Variants in DGKH observed in about 807,000 individuals in gnomAD.
DGKH encodes DAG kinase eta.
In DGKH, 90 loss-of-function variants were observed where a neutral mutation model predicts 159.3. The observed-to-expected ratio is 0.57, with a 90% confidence interval of 0.48 to 0.67. The LOEUF (loss-of-function observed/expected upper bound fraction) is 0.67. Among genes scored for constraint, DGKH ranks in the 30% least tolerant of loss-of-function variants. The pLI is 0.00. For missense variants in DGKH, 1,181 were observed against 1,506.1 expected (o/e 0.78, Z 3.57); for synonymous variants, 536 against 553.8 (o/e 0.97, Z 0.45).
chr13:42,119,445 A>G (rs1357050198), intron 1 of DGKH, among the ~76,000 whole-genome samples: 1 of 152,192 alleles, frequency 6.6e-6, no homozygotes, highest in African/African-American at 2.4e-5. Context: ...ACTCTGGTCC[A>G]AAAAGCAGTC....
At position 42,071,086 on chromosome 13, in the gene DGKH, T is replaced by C. The variant is rs1411040440; in HGVS notation, c.192+22121T>C. ...AATGTTCATGAGACTTTCAAATTTC[T>C]CTGCCACTTTGAAACCCTTATGATT... On this transcript the variant is annotated intron_variant, in intron 1 of 29. Transcript: ENST00000337343. 7 of 1,102,956 alleles carry C rather than the reference T, an allele frequency of 6.3e-6. No individual in the cohort carries two copies. In the East Asian group the frequency reaches 1.2e-4, roughly 19 times the overall value. 68.3% of individuals were successfully genotyped at this position (1,102,956 alleles called of 1,614,324 possible). A position where few individuals can be genotyped will look rare whatever the true frequency, so the allele number is the denominator to read the frequency against.
chr13:42,173,983 G>GCA (rs1555270276), intron 11 of DGKH, 77 bp from the exon 12 acceptor site: 16,972 of 833,996 alleles, frequency 0.02, 207 homozygotes, highest in Non-Finnish European at 0.026. Context: ...GTGTGTGTGT[G>GCA]CGCGTTTATG....
chr13:42,207,715 A>ATATATC (rs1429229353), intron 21 of DGKH, among the ~76,000 whole-genome samples: 1 of 147,730 alleles, frequency 6.8e-6, no homozygotes, highest in Non-Finnish European at 1.5e-5. Flanking sequence ...ATATATATAT[A>ATATATC]TCAGTAAAAA....
At chr13:42,168,921 G>T (rs1461775171) in intron 11 of DGKH, 103 bp downstream of exon 11, 4 of 1,268,496 alleles carry the variant, frequency 3.2e-6, no homozygotes, top group Non-Finnish European at 4.2e-6. Context: ...TTACTGACTA[G>T]AAGCTCCACG....
Position 42,224,580 on chromosome 13 carries a change from A to C in DGKH, c.3573+3186A>C, listed in dbSNP as rs1300883200. 2.0e-5 allele frequency among the ~76,000 whole-genome samples: 3 copies of C among 152,088 alleles called. No individual in the cohort carries two copies. In the East Asian group the frequency reaches 5.8e-4, roughly 29 times the overall value. ...TCAGGTGTACACTTTTCTGCTTAAA[A>C]CTTTTCAGTAGCTTCCCATTTCTAG... On this transcript the variant is annotated intron_variant, in intron 29 of 29. Coordinates refer to ENST00000337343, the MANE Select transcript of DGKH (RefSeq NM_178009.5).
At chr13:42,050,503 T>C (rs527569795) in intron 1 of DGKH, among the ~76,000 whole-genome samples, 1 of 152,252 alleles carries the variant, frequency 6.6e-6, no homozygotes, top group Non-Finnish European at 1.5e-5. Context: ...AGAGTACATC[T>C]TGTAACTCCT....
At chr13:42,087,745 C>T (rs1257416162) in intron 1 of DGKH, among the ~76,000 whole-genome samples, 1 of 102,770 alleles carries the variant, frequency 9.7e-6, no homozygotes, top group Non-Finnish European at 2.0e-5. Flanking sequence ...ATGCACTGCT[C>T]ATTTTTTTTT....
At chr13:42,164,058 T>C (rs1328188407) in intron 7 of DGKH, among the ~76,000 whole-genome samples, 1 of 152,150 alleles carries the variant, frequency 6.6e-6, no homozygotes, top group Non-Finnish European at 1.5e-5. Context: ...AAGGAAGGGA[T>C]CCAGTTTCAG....
At chr13:42,194,430 GC>G (rs1957155211) in intron 16 of DGKH, among the ~76,000 whole-genome samples, 1 of 152,160 alleles carries the variant, frequency 6.6e-6, no homozygotes. Context: ...ACCACACCTG[GC>G]CTCTTCCATT....
chr13:42,206,622 G>A (rs996921212), intron 21 of DGKH, among the ~76,000 whole-genome samples: 5 of 99,782 alleles, frequency 5.0e-5, no homozygotes, highest in Non-Finnish European at 1.0e-4. Context: ...GTTGCCTTCC[G>A]GAGGCTCTAA....
At chr13:42,046,992 TTTGA>T (rs1176398535), upstream of DGKH, among the ~76,000 whole-genome samples, 1 of 152,228 alleles carries the variant, frequency 6.6e-6, no homozygotes, top group African/African-American at 2.4e-5. Context: ...AGGCCATTAT[TTTGA>T]TTATTTTTCT....
chr13:42,133,165 T>C (rs9533006), intron 3 of DGKH, among the ~76,000 whole-genome samples: 52,636 of 143,880 alleles, frequency 0.37, 9,785 homozygotes, highest in Non-Finnish European at 0.43. Flanking sequence ...AGCAAGACTT[T>C]GTCTCAAAAA....
chr13:42,113,279 A>G (rs1033779022), intron 1 of DGKH, among the ~76,000 whole-genome samples: 8 of 152,226 alleles, frequency 5.3e-5, no homozygotes, highest in African/African-American at 1.9e-4. Flanking sequence ...TAAAGGGTTT[A>G]TGCAAATTAT....
chr13:42,068,898 A>C (rs1882772026), intron 1 of DGKH: 2 of 1,066,732 alleles, frequency 1.9e-6, no homozygotes, highest in Non-Finnish European at 2.6e-6. Context: ...AATACATTTC[A>C]TAAGAATACA....
chr13:42,088,962 G>C (rs1323683084), intron 1 of DGKH, among the ~76,000 whole-genome samples: 1 of 152,154 alleles, frequency 6.6e-6, no homozygotes, highest in Non-Finnish European at 1.5e-5. Context: ...AAAAACTAGA[G>C]TTGTTATATT....
At chr13:42,206,217 A>G in intron 21 of DGKH, 71 bp downstream of exon 21, 2 of 983,308 alleles carry the variant, frequency 2.0e-6, no homozygotes, top group Non-Finnish European at 2.8e-6. Flanking sequence ...GCTTTTGTAA[A>G]TGGGCTGTTG....
In DGKH at chr13:42,229,179, G is replaced by A. The variant is rs376522940; in HGVS notation, c.3654G>A (p.Ser1218=). The A allele has an allele frequency of 1.6e-5, 26 of 1,608,808 alleles. No individual in the cohort carries two copies. Among genetic ancestry groups the A allele is most frequent in the African/African-American group, 6.7e-5 (5 of 74,524 alleles). Reference sequence around the variant, plus strand: ...AGCTTGGAAGGAGCACTCCACAGTCGGAGGTGTAATCATATTGGTGCTATT... The same window carrying A: ...AGCTTGGAAGGAGCACTCCACAGTCAGAGGTGTAATCATATTGGTGCTATT... The part of the protein sequence containing the change: ...IKELGRSTPQ[S]EV Residue 1218 remains serine, a synonymous_variant, in exon 30 of 30, where the codon TCG becomes TCA. Transcript: ENST00000337343.
chr13:42,158,397 A>G (rs1325313055), intron 5 of DGKH, among the ~76,000 whole-genome samples: 2 of 152,244 alleles, frequency 1.3e-5, no homozygotes, highest in African/African-American at 4.8e-5. Flanking sequence ...TAATATCAGT[A>G]TCCCCTCATA....
intron 3 of DGKH, among the ~76,000 whole-genome samples, chr13:42,134,713 C>T (rs1194315448): frequency 6.6e-6 from 1 of 152,000 alleles, no homozygotes; most frequent in African/African-American, 2.4e-5. Context: ...CTACTAAATA[C>T]AAAAATTTGC....
Sources: allele counts gnomAD v4.1 joint callset (sites outside exome capture counted in the v4.1 genomes callset), GRCh38; gene constraint gnomAD v4.1.1; transcripts MANE v1.5; gene names NCBI Gene and HGNC (gene_info 2026-07-23, HGNC 2026-07-21).